The following LOXHD1 variants were observed in gnomAD, a reference collection of about 807,000 sequenced individuals.
LOXHD1 encodes the protein lipoxygenase homology PLAT domains 1.
In LOXHD1, 205 loss-of-function variants were observed where a neutral mutation model predicts 248.2. The ratio of observed to expected loss-of-function variants is 0.83; its 90% confidence interval spans 0.74 to 0.93. LOXHD1 has a LOEUF of 0.93. LOXHD1 is among the 40% of genes least tolerant of loss of function. LOXHD1 has a pLI of 0.00. For missense variants in LOXHD1, 2,930 were observed against 2,971.6 expected (o/e 0.99, Z 0.33); for synonymous variants, 1,113 against 1,162.8 (o/e 0.96, Z 0.87).
At chr18:46,499,659 G>T (rs1355886613) in intron 37 of LOXHD1, among the ~76,000 whole-genome samples, 1 of 151,806 alleles carries the variant, frequency 6.6e-6, no homozygotes, top group Non-Finnish European at 1.5e-5. Context: ...CTTTGTGTGT[G>T]GTGTGTGTTT....
intron 25 of LOXHD1, among the ~76,000 whole-genome samples, chr18:46,541,489 A>C (rs2036555155): frequency 6.6e-6 from 1 of 152,166 alleles, no homozygotes; most frequent in Non-Finnish European, 1.5e-5. Flanking sequence ...TATTATCTCT[A>C]TGCTGCAGAT....
intron 37 of LOXHD1, among the ~76,000 whole-genome samples, chr18:46,505,152 G>T (rs1272019535): frequency 6.6e-6 from 1 of 151,284 alleles, no homozygotes; most frequent in African/African-American, 2.4e-5. Flanking sequence ...ACAACTTTAG[G>T]ATTACTATTA....
intron 2 of LOXHD1, among the ~76,000 whole-genome samples, chr18:46,644,054 T>A (rs563227187): frequency 6.6e-6 from 1 of 152,212 alleles, no homozygotes; most frequent in East Asian, 1.9e-4. Context: ...CTTGTCTATA[T>A]ACATTTTTAA....
chr18:46,516,444 T>C (rs1026785711), intron 34 of LOXHD1, among the ~76,000 whole-genome samples: 7 of 152,008 alleles, frequency 4.6e-5, no homozygotes, highest in Non-Finnish European at 8.8e-5. Context: ...AGACACAAAA[T>C]CAGACCCCCA....
chr18:46,620,143 G>C (rs1327929785), intron 4 of LOXHD1, among the ~76,000 whole-genome samples: 1 of 152,180 alleles, frequency 6.6e-6, no homozygotes, highest in Non-Finnish European at 1.5e-5. Flanking sequence ...CCTCAGCCGT[G>C]GCTAGCTAAT....
At chr18:46,584,811 T>C (rs112718137) in intron 12 of LOXHD1, among the ~76,000 whole-genome samples, 2,110 of 152,062 alleles carry the variant, frequency 0.014, 38 homozygotes, top group African/African-American at 0.049. Flanking sequence ...TGCAAAAATC[T>C]TCAACAAAAT....
intron 4 of LOXHD1, among the ~76,000 whole-genome samples, chr18:46,631,665 G>T (rs921194271): frequency 6.6e-6 from 1 of 152,168 alleles, no homozygotes; most frequent in Non-Finnish European, 1.5e-5. Flanking sequence ...CAGAAGATCC[G>T]CAGTTTCCTA....
At chr18:46,567,725 C>T (rs549165991) in intron 16 of LOXHD1, among the ~76,000 whole-genome samples, 2 of 152,354 alleles carry the variant, frequency 1.3e-5, no homozygotes, top group South Asian at 4.1e-4. Flanking sequence ...ATACTAATAG[C>T]AACCCCATTA....
At position 46,507,719 on chromosome 18, in the gene LOXHD1, G is replaced by A; in HGVS notation, c.5518-7C>T. ...TCATGTTCTTCAGTAGGATCTGGGG[G>A]AGAGGGAGCCACCGTGGGAATGCCC... On this transcript the variant is annotated splice_polypyrimidine_tract_variant and splice_region_variant and intron_variant, in intron 35 of 40. Coordinates refer to ENST00000642948, the MANE Select transcript of LOXHD1 (RefSeq NM_001384474.1). The A allele has an allele frequency of 9.0e-6, 14 of 1,546,978 alleles. No individual in the cohort carries two copies. The highest frequency in any genetic ancestry group is 1.1e-5 in the Non-Finnish European group (13 of 1,143,266).
chr18:46,573,044 A>AAAC (rs2037786729), intron 14 of LOXHD1, among the ~76,000 whole-genome samples: 1 of 151,288 alleles, frequency 6.6e-6, no homozygotes, highest in East Asian at 1.9e-4. Context: ...AAAAAAAAAA[A>AAAC]AAGACAGGAT....
At chr18:46,497,136 T>C (rs1225145635) in intron 37 of LOXHD1, among the ~76,000 whole-genome samples, 1 of 152,222 alleles carries the variant, frequency 6.6e-6, no homozygotes, top group Non-Finnish European at 1.5e-5. Flanking sequence ...CTTCTTTGCC[T>C]ACAAGGGGAA....
chr18:46,590,214 T>C (rs1346619966), intron 12 of LOXHD1, among the ~76,000 whole-genome samples: 1 of 152,162 alleles, frequency 6.6e-6, no homozygotes, highest in African/African-American at 2.4e-5. Flanking sequence ...ACTAACTGAA[T>C]TAGAAACTCT....
chr18:46,581,842 C>A (rs1205713410), intron 12 of LOXHD1, among the ~76,000 whole-genome samples: 2 of 152,154 alleles, frequency 1.3e-5, no homozygotes, highest in Non-Finnish European at 2.9e-5. Context: ...ATGCTCAATA[C>A]AATTAACAGC....
intron 33 of LOXHD1, among the ~76,000 whole-genome samples, chr18:46,520,876 G>A (rs980447648): frequency 6.6e-6 from 1 of 152,228 alleles, no homozygotes; most frequent in African/African-American, 2.4e-5. Context: ...AAGGCCCAGA[G>A]AAATGAGATG....
At chr18:46,625,505 A>T (rs1486754667) in intron 4 of LOXHD1, among the ~76,000 whole-genome samples, 2 of 152,222 alleles carry the variant, frequency 1.3e-5, no homozygotes. Flanking sequence ...TAAAAAAAAA[A>T]AAAAATTGCA....
At chr18:46,484,978 T>G in intron 39 of LOXHD1, 41 bp downstream of exon 39, 1 of 1,539,964 alleles carries the variant, frequency 6.5e-7, no homozygotes, top group Non-Finnish European at 8.8e-7. Context: ...CTCCCTTACC[T>G]ACCCACCCCC....
intron 4 of LOXHD1, among the ~76,000 whole-genome samples, chr18:46,637,851 C>T (rs1044228102): frequency 6.6e-6 from 1 of 152,188 alleles, no homozygotes; most frequent in Admixed American, 6.5e-5. Context: ...AAATGTCCCT[C>T]AAAAGCTTTA....
chr18:46,657,166 T>A lies in LOXHD1; in HGVS notation c.-133A>T, dbSNP rs1377328581. On this transcript the variant is annotated 5_prime_UTR_variant, in exon 1 of 41. Transcript: ENST00000642948. ...TAGCTCAGGCCTGGGTGGGCCAGAG[T>A]GCCCCGTTTTCTTGGCTTCCCCGTG... The A allele has an allele frequency of 7.0e-7, 1 of 1,432,030 alleles. No individual in the cohort carries two copies. Among genetic ancestry groups the A allele is most frequent in the Non-Finnish European group, 9.4e-7 (1 of 1,069,054 alleles). The allele number at this position is 1,432,030 out of a possible 1,614,324, so 88.7% of individuals were successfully genotyped here.
chr18:46,527,801 T>C lies in LOXHD1; in HGVS notation c.4530+1376A>G, dbSNP rs571494053. ...TAGATTATTTCTTCCTGGTACAACA[T>C]GCTCTTACATCTTGTCCTGTTTTTC... On this transcript the variant is annotated intron_variant, in intron 29 of 40. Transcript: ENST00000642948. 7.2e-5 allele frequency among the ~76,000 whole-genome samples: 11 copies of C among 152,388 alleles called. 1 individual carries two copies. In the South Asian group the frequency reaches 2.3e-3, roughly 32 times the overall value.
Sources: gnomAD v4.1 joint callset for allele counts (sites outside exome capture counted in the v4.1 genomes callset) on GRCh38, gnomAD v4.1.1 for gene constraint, MANE v1.5 for transcripts, NCBI Gene and HGNC (gene_info 2026-07-23, HGNC 2026-07-21) for gene names.